Variants in ELAVL2 observed in about 807,000 individuals in gnomAD.
The protein encoded by ELAVL2 is ELAV-like protein 2.
ELAVL2 carries 4 observed loss-of-function variants against 34.6 expected under a neutral mutation model. That is an observed-to-expected ratio of 0.12 (90% CI 0.06 to 0.26). ELAVL2 has a LOEUF of 0.26. ELAVL2 is among the 10% of genes least tolerant of loss of function. The pLI, the probability that ELAVL2 is intolerant of heterozygous loss-of-function variation, is 1.00. For missense variants in ELAVL2, 432 were observed against 442.8 expected, an observed-to-expected ratio of 0.98 and a Z score of 0.22; for synonymous variants, 193 against 154.8, an observed-to-expected ratio of 1.25 and a Z score of -1.83.
intron 4 of ELAVL2, 34 bp downstream of exon 4, chr9:23,704,884 A>G: frequency 6.2e-7 from 1 of 1,608,206 alleles, no homozygotes; most frequent in Non-Finnish European, 8.5e-7. Context: ...AGTCAGAGAC[A>G]GGGAAAGACT....
At chr9:23,787,451 C>T (rs113252865) in intron 1 of ELAVL2, among the ~76,000 whole-genome samples, 172 of 151,778 alleles carry the variant, frequency 1.1e-3, no homozygotes, top group African/African-American at 3.8e-3. Context: ...AGGCTGGTCT[C>T]GAACTCCTAA....
chr9:23,791,274 C>T (rs527330115), intron 1 of ELAVL2, among the ~76,000 whole-genome samples: 11 of 152,048 alleles, frequency 7.2e-5, no homozygotes, highest in Non-Finnish European at 1.2e-4. Context: ...CTTGACCAAT[C>T]GTAAAGATGA....
At chr9:23,804,174 T>C (rs1240727661) in intron 1 of ELAVL2, among the ~76,000 whole-genome samples, 1 of 147,050 alleles carries the variant, frequency 6.8e-6, no homozygotes, top group African/African-American at 2.4e-5. Flanking sequence ...TATTTATTTA[T>C]TTATTTATTT....
At chr9:23,701,638 G>T in intron 4 of ELAVL2, 34 bp from the exon 5 acceptor site, 1 of 1,600,590 alleles carries the variant, frequency 6.2e-7, no homozygotes, top group Non-Finnish European at 8.5e-7. Flanking sequence ...TTGGAAAAGA[G>T]GGAACAGAAG....
chr9:23,693,572 G>A (rs558611719), intron 5 of ELAVL2, 86 bp from the exon 6 acceptor site: 15 of 1,478,770 alleles, frequency 1.0e-5, no homozygotes, highest in East Asian at 6.8e-5. Context: ...GCCATCTTCC[G>A]AGGGGATATC....
chr9:23,811,997 T>TC (rs1229079503), intron 1 of ELAVL2, among the ~76,000 whole-genome samples: 2 of 152,122 alleles, frequency 1.3e-5, no homozygotes, highest in Admixed American at 1.3e-4. Context: ...CACAGTCCTG[T>TC]CCCTAAAGCA....
intron 1 of ELAVL2, among the ~76,000 whole-genome samples, chr9:23,814,120 G>T (rs1387191750): frequency 6.6e-6 from 1 of 152,088 alleles, no homozygotes; most frequent in Non-Finnish European, 1.5e-5. Flanking sequence ...TTAAAACACA[G>T]TTCAGGGCAA....
At chr9:23,756,395 T>TGA (rs1478417733) in intron 2 of ELAVL2, among the ~76,000 whole-genome samples, 4 of 152,254 alleles carry the variant, frequency 2.6e-5, no homozygotes, top group Middle Eastern at 3.4e-3. Context: ...TAGCAGCTGA[T>TGA]GAGGTCAGTA....
intron 3 of ELAVL2, among the ~76,000 whole-genome samples, chr9:23,726,669 C>T (rs1217934079): frequency 1.3e-5 from 2 of 151,978 alleles, no homozygotes; most frequent in Non-Finnish European, 2.9e-5. Flanking sequence ...ATCCAGAGTT[C>T]TTTATGCAGA....
Position 23,732,581 on chromosome 9 carries a change from T to C in ELAVL2, c.230-1456A>G, listed in dbSNP as rs534471936. ...CTTTTCATTAATTCAAAATTTATCATGTGTTTACTGCATGCATTGTGCCCC... is the reference window on the plus strand; with the variant it reads ...CTTTTCATTAATTCAAAATTTATCACGTGTTTACTGCATGCATTGTGCCCC... On this transcript the variant is annotated intron_variant, in intron 2 of 6. Transcript: ENST00000397312. 5.3e-5 allele frequency among the ~76,000 whole-genome samples: 8 copies of C among 152,324 alleles called. No homozygotes were observed. The South Asian group carries it at 1.4e-3, about 28-fold the overall frequency.
intron 3 of ELAVL2, among the ~76,000 whole-genome samples, chr9:23,728,413 G>T (rs1477949214): frequency 6.6e-6 from 1 of 152,132 alleles, no homozygotes; most frequent in Non-Finnish European, 1.5e-5. Flanking sequence ...GACGCTGGGA[G>T]TAAGATCAGC....
At chr9:23,836,567 G>A in the ELAVL2 span, among the ~76,000 whole-genome samples, 1 of 152,110 alleles carries the variant, frequency 6.6e-6, no homozygotes, top group African/African-American at 2.4e-5. Context: ...TGTAAGGTTT[G>A]TATAAAAGAG....
At chr9:23,716,943 C>T (rs776478359) in intron 3 of ELAVL2, among the ~76,000 whole-genome samples, 2 of 151,974 alleles carry the variant, frequency 1.3e-5, no homozygotes, top group Non-Finnish European at 2.9e-5. Context: ...AATGTCAGGG[C>T]AAAACTTTTA....
At chr9:23,747,439 A>G (rs1210277563) in intron 2 of ELAVL2, among the ~76,000 whole-genome samples, 2 of 152,198 alleles carry the variant, frequency 1.3e-5, no homozygotes, top group East Asian at 1.9e-4. Context: ...ATTTCATGGC[A>G]CAGGCTCTCT....
rs529897232 is a variant in ELAVL2, at chr9:23,725,861, G to A, written c.333+5161C>T. On this transcript the variant is annotated intron_variant, in intron 3 of 6. Transcript: ENST00000397312. Reference sequence around the variant, plus strand: ...CTTAATATGCAACTTAGCAGACCATGAAAAGCTTTTTTTCCTCTCCTAAAA... The same window carrying A: ...CTTAATATGCAACTTAGCAGACCATAAAAAGCTTTTTTTCCTCTCCTAAAA... Among the ~76,000 whole-genome samples, 19 of 152,180 alleles carry A rather than the reference G, an allele frequency of 1.2e-4. No homozygotes were observed. In the South Asian group the frequency reaches 2.5e-3, roughly 20 times the overall value.
chr9:23,776,739 CAAAAAAAA>C lies in ELAVL2; in HGVS notation c.-15-14498_-15-14491del, dbSNP rs34583759. On this transcript the variant is annotated intron_variant, in intron 1 of 6. Transcript: ENST00000397312. ...TGACCTATGCTAAATAGTTTGCTATCAAAAAAAAAAAAAAAAAAAAAAAGATGGCAAAA... is the reference window on the plus strand; with the variant it reads ...TGACCTATGCTAAATAGTTTGCTATCAAAAAAAAAAAAAAAGATGGCAAAA... 2.1e-4 allele frequency among the ~76,000 whole-genome samples: 16 copies of C among 77,706 alleles called. No homozygotes were observed. In the South Asian group the frequency reaches 2.4e-3, roughly 12 times the overall value. The allele number at this position is 77,706 out of a possible 152,430, so 51.0% of individuals were successfully genotyped here.
upstream of ELAVL2, among the ~76,000 whole-genome samples, chr9:23,831,255 G>A (rs1454820064): frequency 6.6e-6 from 1 of 152,144 alleles, no homozygotes; most frequent in East Asian, 1.9e-4. Context: ...CAGTCAATCA[G>A]AGCCATCCAG....
chr9:23,785,282 A>G (rs1235936618), intron 1 of ELAVL2, among the ~76,000 whole-genome samples: 1 of 152,238 alleles, frequency 6.6e-6, no homozygotes, highest in African/African-American at 2.4e-5. Context: ...GTGTTTATCA[A>G]GGAAGATGAA....
intron 1 of ELAVL2, among the ~76,000 whole-genome samples, chr9:23,807,593 A>C (rs1158366803): frequency 1.3e-5 from 2 of 152,200 alleles, no homozygotes; most frequent in East Asian, 3.9e-4. Context: ...TTTTAGTTAT[A>C]ATTTAAATGA....
Sources: allele counts gnomAD v4.1 joint callset (sites outside exome capture counted in the v4.1 genomes callset), GRCh38; gene constraint gnomAD v4.1.1; transcripts MANE v1.5; gene names NCBI Gene and HGNC (gene_info 2026-07-23, HGNC 2026-07-21).